The following KCNH7 variants were observed in gnomAD, a reference collection of about 807,000 sequenced individuals.
The protein encoded by KCNH7 is voltage-gated inwardly rectifying potassium channel KCNH7.
KCNH7 carries 49 observed loss-of-function variants against 120.8 expected under a neutral mutation model. The observed-to-expected ratio is 0.41, with a 90% CI of 0.32 to 0.51. The LOEUF (loss-of-function observed/expected upper bound fraction) is 0.51, where lower values mean the gene tolerates loss of function less well. Among genes scored for constraint, KCNH7 ranks in the 20% least tolerant of loss-of-function variants. KCNH7 has a pLI of 0.38. For missense variants in KCNH7, 1,097 were observed against 1,446.6 expected (o/e 0.76, Z 3.92); for synonymous variants, 547 against 516.1 (o/e 1.06, Z -0.81).
At chr2:162,617,061 TGGGGA>T (rs1305110462) in intron 2 of KCNH7, among the ~76,000 whole-genome samples, 1 of 152,038 alleles carries the variant, frequency 6.6e-6, no homozygotes, top group Non-Finnish European at 1.5e-5. Flanking sequence ...AATTTAAGGT[TGGGGA>T]GGGGACTGGT....
chr2:162,649,170 T>C (rs997401830), intron 2 of KCNH7, among the ~76,000 whole-genome samples: 8 of 152,232 alleles, frequency 5.3e-5, no homozygotes, highest in African/African-American at 1.9e-4. Flanking sequence ...TCCTCTAATC[T>C]ATTCAACAGG....
At chr2:162,460,840 G>A (rs1273585094) in intron 6 of KCNH7, among the ~76,000 whole-genome samples, 10 of 152,198 alleles carry the variant, frequency 6.6e-5, no homozygotes, top group South Asian at 2.1e-4. Flanking sequence ...GCTAGCTAAC[G>A]TTCCAAGGTG....
At chr2:162,419,493 A>G (rs1212589669) in intron 9 of KCNH7, among the ~76,000 whole-genome samples, 1 of 152,072 alleles carries the variant, frequency 6.6e-6, no homozygotes, top group Admixed American at 6.6e-5. Context: ...ATGAAATTGC[A>G]GAGAGGTTAA....
chr2:162,493,004 G>A (rs931814626), intron 6 of KCNH7, among the ~76,000 whole-genome samples: 3 of 151,082 alleles, frequency 2.0e-5, no homozygotes, highest in Non-Finnish European at 2.9e-5. Flanking sequence ...GGGATGCCTG[G>A]GGAAAAACAG....
intron 2 of KCNH7, among the ~76,000 whole-genome samples, chr2:162,708,383 G>A (rs1476445263): frequency 6.6e-6 from 1 of 151,924 alleles, no homozygotes; most frequent in African/African-American, 2.4e-5. Flanking sequence ...AAAGAAAAAA[G>A]AATTTTTAAA....
At chr2:162,732,227 G>A (rs1256139648) in intron 2 of KCNH7, among the ~76,000 whole-genome samples, 1 of 152,102 alleles carries the variant, frequency 6.6e-6, no homozygotes, top group African/African-American at 2.4e-5. Context: ...TATCTCCTGA[G>A]CTGATATTAG....
intron 2 of KCNH7, among the ~76,000 whole-genome samples, chr2:162,735,334 C>A (rs1687866923): frequency 6.6e-6 from 1 of 152,120 alleles, no homozygotes; most frequent in Admixed American, 6.6e-5. Context: ...ATTCACATGA[C>A]AAGGTTAAAA....
intron 2 of KCNH7, among the ~76,000 whole-genome samples, chr2:162,743,729 GAC>G (rs1177790595): frequency 6.6e-6 from 1 of 152,044 alleles, no homozygotes. Context: ...AAATAAGAAA[GAC>G]TGATTGTAAA....
chr2:162,516,396 A>C (rs548072981), intron 4 of KCNH7, among the ~76,000 whole-genome samples: 2 of 151,928 alleles, frequency 1.3e-5, no homozygotes, highest in African/African-American at 4.8e-5. Context: ...AAAGCAGGGA[A>C]GAGTATTCCA....
At chr2:162,791,554 G>A (rs989844477) in intron 2 of KCNH7, among the ~76,000 whole-genome samples, 3 of 152,024 alleles carry the variant, frequency 2.0e-5, no homozygotes, top group Admixed American at 6.6e-5. Flanking sequence ...AATTGTGAAT[G>A]AGATTACATT....
At chr2:162,804,587 G>A (rs1019139176) in intron 2 of KCNH7, among the ~76,000 whole-genome samples, 12 of 151,898 alleles carry the variant, frequency 7.9e-5, no homozygotes, top group Non-Finnish European at 1.6e-4. Flanking sequence ...ACTGCTGAAA[G>A]AATTCATAGA....
At chr2:162,471,584 A>G (rs910196064) in intron 6 of KCNH7, among the ~76,000 whole-genome samples, 2 of 152,214 alleles carry the variant, frequency 1.3e-5, no homozygotes, top group African/African-American at 4.8e-5. Context: ...CAATGAAATA[A>G]AAGAGGACAC....
chr2:162,801,079 A>C (rs1031599386), intron 2 of KCNH7, among the ~76,000 whole-genome samples: 3 of 151,836 alleles, frequency 2.0e-5, no homozygotes, highest in Non-Finnish European at 4.4e-5. Flanking sequence ...AGGTAAACAC[A>C]AGGGTTCTCT....
At chr2:162,404,898 C>T (rs1403575355) in intron 9 of KCNH7, among the ~76,000 whole-genome samples, 2 of 151,942 alleles carry the variant, frequency 1.3e-5, no homozygotes, top group Non-Finnish European at 2.9e-5. Context: ...TCTCTAAATG[C>T]CCAAATTAAA....
chr2:162,655,025 A>G (rs748694306), intron 2 of KCNH7, among the ~76,000 whole-genome samples: 1 of 152,174 alleles, frequency 6.6e-6, no homozygotes, highest in Non-Finnish European at 1.5e-5. Flanking sequence ...CAAAATTTCA[A>G]TTAGACAGGA....
chr2:162,684,004 T>A (rs1052106923), intron 2 of KCNH7, among the ~76,000 whole-genome samples: 1 of 151,978 alleles, frequency 6.6e-6, no homozygotes, highest in Non-Finnish European at 1.5e-5. Flanking sequence ...AACAGAGATA[T>A]AGACCAATGG....
intron 3 of KCNH7, among the ~76,000 whole-genome samples, chr2:162,519,237 A>G (rs917906363): frequency 5.3e-5 from 8 of 151,846 alleles, no homozygotes; most frequent in Non-Finnish European, 8.8e-5. Flanking sequence ...GGGATATTGC[A>G]AAGGCATAAA....
At chr2:162,764,882 C>G (rs1458106062) in intron 2 of KCNH7, among the ~76,000 whole-genome samples, 9 of 152,138 alleles carry the variant, frequency 5.9e-5, no homozygotes, top group Non-Finnish European at 1.3e-4. Context: ...GCAAAGAGAG[C>G]TCAGCCAACA....
chr2:162,421,171 C>G (rs947350569), intron 9 of KCNH7, among the ~76,000 whole-genome samples: 1 of 151,914 alleles, frequency 6.6e-6, no homozygotes, highest in African/African-American at 2.4e-5. Context: ...CAAGACTCAG[C>G]GGCACATGGT....
Sources: allele counts gnomAD v4.1 joint callset (sites outside exome capture counted in the v4.1 genomes callset), GRCh38; gene constraint gnomAD v4.1.1; transcripts MANE v1.5; gene names NCBI Gene and HGNC (gene_info 2026-07-23, HGNC 2026-07-21).